The following TUSC3 variants were observed in gnomAD, a reference collection of about 807,000 sequenced individuals.
The protein encoded by TUSC3 is tumor suppressor candidate 3.
In TUSC3, 45 loss-of-function variants were observed where a neutral mutation model predicts 44.8. The ratio of observed to expected loss-of-function variants is 1.00; its 90% confidence interval spans 0.79 to 1.29. The LOEUF (loss-of-function observed/expected upper bound fraction) is 1.29. Among genes scored for constraint, TUSC3 ranks in the 50% most tolerant of loss-of-function variants. The pLI is 0.00. For missense variants in TUSC3, 519 were observed against 437.9 expected, an observed-to-expected ratio of 1.19 and a Z score of -1.65; for synonymous variants, 212 against 152.9, an observed-to-expected ratio of 1.39 and a Z score of -2.85.
At chr8:15,848,010 C>T in the TUSC3 span, among the ~76,000 whole-genome samples, 1 of 152,078 alleles carries the variant, frequency 6.6e-6, no homozygotes, top group African/African-American at 2.4e-5. Context: ...ACATGCAATA[C>T]ATATTTATTC....
chr8:15,695,272 G>A (rs1252415844), intron 6 of TUSC3, among the ~76,000 whole-genome samples: 2 of 152,284 alleles, frequency 1.3e-5, no homozygotes, highest in African/African-American at 4.8e-5. Flanking sequence ...ATGGGGGTAG[G>A]TCTTTATCAT....
chr8:15,480,203 C>T (rs1182091073), intron 1 of TUSC3, among the ~76,000 whole-genome samples: 1 of 152,164 alleles, frequency 6.6e-6, no homozygotes, highest in Non-Finnish European at 1.5e-5. Context: ...AATAGAAAAA[C>T]TTGCCATGCT....
Position 15,764,270 on chromosome 8 carries a change from C to A in TUSC3, c.*114C>A. 1 of 1,570,544 alleles carries A rather than the reference C, an allele frequency of 6.4e-7. No homozygotes were observed. ...ATGTTTACCATGAAGATAAACTGTT[C>A]CTGACTTTATACTATTTTGAATTCA... On this transcript the variant is annotated 3_prime_UTR_variant, in exon 11 of 11. Coordinates refer to ENST00000503731, the MANE Select transcript of TUSC3 (RefSeq NM_006765.4).
At chr8:15,822,725 A>G in the TUSC3 span, among the ~76,000 whole-genome samples, 1 of 152,152 alleles carries the variant, frequency 6.6e-6, no homozygotes, top group Non-Finnish European at 1.5e-5. Context: ...AAGCAGGAAA[A>G]TGGTGTCCTG....
At chr8:15,518,501 G>A (rs889212907) in intron 2 of TUSC3, among the ~76,000 whole-genome samples, 6 of 152,140 alleles carry the variant, frequency 3.9e-5, no homozygotes, top group African/African-American at 1.4e-4. Flanking sequence ...TATTATAACA[G>A]AAAAGTGTTT....
the TUSC3 span, among the ~76,000 whole-genome samples, chr8:15,839,784 G>A: frequency 6.6e-6 from 1 of 152,194 alleles, no homozygotes; most frequent in Non-Finnish European, 1.5e-5. Context: ...TGGTAGGAAT[G>A]TAAACTAGTT....
intron 7 of TUSC3, among the ~76,000 whole-genome samples, chr8:15,732,790 A>G (rs1810778625): frequency 1.3e-5 from 2 of 152,174 alleles, no homozygotes; most frequent in Admixed American, 1.3e-4. Flanking sequence ...GAACGAAAAG[A>G]TACCTTTCTG....
chr8:15,536,208 C>T (rs1235415879), upstream of TUSC3, among the ~76,000 whole-genome samples: 1 of 152,102 alleles, frequency 6.6e-6, no homozygotes, highest in East Asian at 1.9e-4. Context: ...GCTAGCCTTG[C>T]TGGAGCAGCA....
At chr8:15,832,701 G>A in the TUSC3 span, among the ~76,000 whole-genome samples, 1 of 152,088 alleles carries the variant, frequency 6.6e-6, no homozygotes, top group African/African-American at 2.4e-5. Context: ...CCTTACATAA[G>A]GGTAAAGGGT....
At chr8:15,776,526 A>G in the TUSC3 span, among the ~76,000 whole-genome samples, 1 of 152,006 alleles carries the variant, frequency 6.6e-6, no homozygotes, top group Non-Finnish European at 1.5e-5. Context: ...CTGTCTATTC[A>G]TATTGGTAAG....
chr8:15,534,643 T>TTA lies in TUSC3; in HGVS notation n.189+51160_189+51161insTA, dbSNP rs1554510419. On this transcript the variant is annotated intron_variant and non_coding_transcript_variant, in intron 2 of 5. Coordinates refer to the TUSC3 transcript ENST00000503191. ...AGGTGACAGAGCGAGACTCGGTCTT[T>TTA]AAAAAAAAAAAAAAAAAAACTTCAG... 2.1e-3 allele frequency among the ~76,000 whole-genome samples: 278 copies of TTA among 129,862 alleles called. 1 individual carries two copies. The highest frequency in any genetic ancestry group is 4.1e-3 in the Admixed American group (52 of 12,818). 85.2% of individuals were successfully genotyped at this position (129,862 alleles called of 152,430 possible).
At chr8:15,466,243 T>A (rs886636493) in intron 1 of TUSC3, among the ~76,000 whole-genome samples, 2 of 152,172 alleles carry the variant, frequency 1.3e-5, no homozygotes, top group African/African-American at 4.8e-5. Flanking sequence ...TTTGGAACAA[T>A]TTCAATACAT....
At chr8:15,655,063 T>C (rs1807092448) in intron 3 of TUSC3, among the ~76,000 whole-genome samples, 4 of 152,174 alleles carry the variant, frequency 2.6e-5, no homozygotes, top group Non-Finnish European at 1.5e-5. Context: ...TAGGTAGCTA[T>C]GCAGACATGA....
intron 1 of TUSC3, among the ~76,000 whole-genome samples, chr8:15,586,104 G>C (rs1013462449): frequency 7.9e-6 from 1 of 126,690 alleles, no homozygotes; most frequent in Non-Finnish European, 1.7e-5. Context: ...ATGATTAACA[G>C]TGCTAAATAA....
chr8:15,818,617 G>A, the TUSC3 span, among the ~76,000 whole-genome samples: 28 of 152,262 alleles, frequency 1.8e-4, no homozygotes, highest in South Asian at 5.6e-3. Context: ...CGGAGGATCA[G>A]AACAGGGTTT....
intron 1 of TUSC3, among the ~76,000 whole-genome samples, chr8:15,461,628 A>G (rs536265273): frequency 1.3e-5 from 2 of 152,058 alleles, no homozygotes; most frequent in East Asian, 3.9e-4. Flanking sequence ...CAGAGGGAAT[A>G]CGTTCTACTT....
At chr8:15,465,065 G>A (rs754773233) in intron 1 of TUSC3, among the ~76,000 whole-genome samples, 1 of 152,122 alleles carries the variant, frequency 6.6e-6, no homozygotes, top group Non-Finnish European at 1.5e-5. Context: ...GGCCAGGATG[G>A]TCTTGAACTC....
At chr8:15,825,564 A>G in the TUSC3 span, among the ~76,000 whole-genome samples, 2 of 152,150 alleles carry the variant, frequency 1.3e-5, no homozygotes, top group Non-Finnish European at 2.9e-5. Flanking sequence ...AGGAACAGCC[A>G]AACTATATCA....
At chr8:15,712,186 G>T (rs1288557439) in intron 6 of TUSC3, among the ~76,000 whole-genome samples, 2 of 151,796 alleles carry the variant, frequency 1.3e-5, no homozygotes, top group African/African-American at 4.8e-5. Flanking sequence ...AAGATTAGAG[G>T]CTCTTAGAGG....
Sources: allele counts gnomAD v4.1 joint callset (sites outside exome capture counted in the v4.1 genomes callset), GRCh38; gene constraint gnomAD v4.1.1; transcripts MANE v1.5; gene names NCBI Gene and HGNC (gene_info 2026-07-23, HGNC 2026-07-21).